Variants in SLC39A11 observed in about 807,000 individuals in gnomAD.
The protein encoded by SLC39A11 is zinc transporter ZIP11.
A neutral mutation model predicts 36.1 loss-of-function variants in SLC39A11; 33 were observed. The ratio of observed to expected loss-of-function variants is 0.91; its 90% CI spans 0.69 to 1.22. SLC39A11 has a LOEUF of 1.22. SLC39A11 is among the 50% of genes most tolerant of loss of function. The pLI, the probability that SLC39A11 is intolerant of heterozygous loss-of-function variation, is 0.00. For missense variants in SLC39A11, 432 were observed against 430.3 expected, an observed-to-expected ratio of 1.00 and a Z score of -0.03; for synonymous variants, 166 against 170.3, an observed-to-expected ratio of 0.97 and a Z score of 0.20.
chr17:72,736,717 C>G lies in SLC39A11; in HGVS notation c.604G>C (p.Gly202Arg). The change falls in exon 7 of 10, where the codon GGT (glycine) becomes CGT (arginine). Residue 202 changes from glycine to arginine, a missense_variant and splice_region_variant. Transcript: ENST00000255559. Reference protein sequence around the residue: ...LAITIHNVPEGLAVGVGFGAI... With the variant: ...LAITIHNVPERLAVGVGFGAI... ...CCAAATCCAACTCCAACAGCGAGACCCTCTGAAATAGATGTAAGAAAAGCA... is the reference window on the plus strand; with the variant it reads ...CCAAATCCAACTCCAACAGCGAGACGCTCTGAAATAGATGTAAGAAAAGCA... 6.2e-7 allele frequency: 1 copy of G among 1,613,700 alleles called. No homozygotes were observed. Among genetic ancestry groups the G allele is most frequent in the Non-Finnish European group, 8.5e-7 (1 of 1,179,670 alleles).
Position 72,665,389 on chromosome 17 carries a change from G to GTTTTTTTTTTTTT in SLC39A11, c.672-16134_672-16122dup, listed in dbSNP as rs780329919. Among the ~76,000 whole-genome samples, 193 of 76,606 alleles carry GTTTTTTTTTTTTT rather than the reference G, an allele frequency of 2.5e-3. 39 individuals are homozygous for GTTTTTTTTTTTTT. The highest frequency in any genetic ancestry group is 5.7e-3 in the African/African-American group (107 of 18,806). The allele number at this position is 76,606 out of a possible 152,430, so 50.3% of individuals were successfully genotyped here. ...GGTTTAAGCCACCAAGTTTTGAGGTGTTTTTTTTTTTTTTTTTTTTTGAGA... is the reference window on the plus strand; with the variant it reads ...GGTTTAAGCCACCAAGTTTTGAGGTGTTTTTTTTTTTTTTTTTTTTTTTTTTTTTTTTTTGAGA... On this transcript the variant is annotated intron_variant, in intron 7 of 9. Transcript: ENST00000255559.
intron 3 of SLC39A11, among the ~76,000 whole-genome samples, chr17:73,069,235 C>G (rs538364837): frequency 6.6e-6 from 1 of 152,346 alleles, no homozygotes; most frequent in East Asian, 1.9e-4. Flanking sequence ...CTCCCTGTCA[C>G]TGAGTTTCCA....
chr17:72,929,164 T>G (rs1011104239), intron 5 of SLC39A11, among the ~76,000 whole-genome samples: 12 of 152,112 alleles, frequency 7.9e-5, no homozygotes, highest in Non-Finnish European at 1.6e-4. Flanking sequence ...GGGTCCAGTG[T>G]CCTTGTGAGA....
intron 4 of SLC39A11, among the ~76,000 whole-genome samples, chr17:72,999,923 T>C (rs2089723603): frequency 6.6e-6 from 1 of 151,938 alleles, no homozygotes; most frequent in Non-Finnish European, 1.5e-5. Context: ...GTATTTTTAG[T>C]AGAGATGGGG....
chr17:72,896,915 T>A (rs1286869215), intron 5 of SLC39A11, among the ~76,000 whole-genome samples: 1 of 151,616 alleles, frequency 6.6e-6, no homozygotes, highest in East Asian at 1.9e-4. Context: ...TAGCTGGGCG[T>A]GGTGGCGGGC....
intron 7 of SLC39A11, among the ~76,000 whole-genome samples, chr17:72,698,862 G>A (rs534693975): frequency 1.3e-5 from 2 of 152,094 alleles, no homozygotes; most frequent in African/African-American, 2.4e-5. Flanking sequence ...AGGGAGTCTC[G>A]CTCTGTCGCC....
chr17:72,827,146 T>C (rs2078062851), intron 6 of SLC39A11, among the ~76,000 whole-genome samples: 1 of 152,210 alleles, frequency 6.6e-6, no homozygotes, highest in Admixed American at 6.5e-5. Context: ...TATAGACATA[T>C]AATGGAATAT....
chr17:72,903,952 A>T (rs1018909387), intron 5 of SLC39A11, among the ~76,000 whole-genome samples: 2 of 152,178 alleles, frequency 1.3e-5, no homozygotes, highest in African/African-American at 4.8e-5. Flanking sequence ...CCTCCTGCTA[A>T]AACTCTTAAT....
intron 6 of SLC39A11, among the ~76,000 whole-genome samples, chr17:72,777,507 C>T (rs1029718396): frequency 3.9e-5 from 6 of 152,016 alleles, no homozygotes; most frequent in African/African-American, 4.8e-5. Context: ...AAACGAAAAC[C>T]GAAACCCAGA....
chr17:73,051,955 A>T (rs2143935141), intron 3 of SLC39A11, among the ~76,000 whole-genome samples: 1 of 151,796 alleles, frequency 6.6e-6, no homozygotes, highest in South Asian at 2.1e-4. Flanking sequence ...CAGGCTTAGG[A>T]CACTGATTCA....
intron 4 of SLC39A11, among the ~76,000 whole-genome samples, chr17:72,990,311 A>G (rs1427231357): frequency 3.3e-5 from 5 of 152,246 alleles, no homozygotes; most frequent in African/African-American, 1.2e-4. Context: ...AGAAGAAAAT[A>G]AATGAATAAA....
chr17:72,661,535 C>T lies in SLC39A11; in HGVS notation c.672-12267G>A, dbSNP rs139804437. ...GCGTGTGTGTTCTTGTGTGGCAGGC[C>T]CTTACATACTGTTTTGATTGTTATC... On this transcript the variant is annotated intron_variant, in intron 7 of 9. Coordinates refer to ENST00000255559, the MANE Select transcript of SLC39A11 (RefSeq NM_139177.4). Among the ~76,000 whole-genome samples, 504 of 152,294 alleles carry T rather than the reference C, an allele frequency of 3.3e-3. 12 individuals carry two copies. Among genetic ancestry groups the T allele is most frequent in the Admixed American group, 0.025 (385 of 15,312 alleles).
intron 4 of SLC39A11, among the ~76,000 whole-genome samples, chr17:72,966,530 G>A (rs567528407): frequency 6.6e-6 from 1 of 152,050 alleles, no homozygotes; most frequent in Non-Finnish European, 1.5e-5. Context: ...AGCAGCAGGG[G>A]GTTGAGGAAA....
rs145774912 is a variant in SLC39A11 at position 73,058,826 on chromosome 17, T to C, written c.147+25982A>G. On this transcript the variant is annotated intron_variant, in intron 3 of 9. Coordinates refer to ENST00000255559, the MANE Select transcript of SLC39A11 (RefSeq NM_139177.4). Reference sequence around the variant, plus strand: ...AAAGAGAACTCAGGAGGCCTTGCCCTGTGTTTTGCCTTCAACTCAAAGTAA... The same window carrying C: ...AAAGAGAACTCAGGAGGCCTTGCCCCGTGTTTTGCCTTCAACTCAAAGTAA... Among the ~76,000 whole-genome samples the C allele has an allele frequency of 7.3e-3, 1,111 of 152,300 alleles. 13 individuals are homozygous for C. Among genetic ancestry groups the C allele is most frequent in the African/African-American group, 0.025 (1,019 of 41,564 alleles).
intron 4 of SLC39A11, among the ~76,000 whole-genome samples, chr17:72,967,304 G>A (rs1358990246): frequency 6.6e-6 from 1 of 151,434 alleles, no homozygotes. Flanking sequence ...ATGCTAGAGT[G>A]AGATATTATA....
intron 7 of SLC39A11, among the ~76,000 whole-genome samples, chr17:72,706,886 G>C (rs56106556): frequency 0.02 from 3,003 of 152,236 alleles, 104 homozygotes; most frequent in African/African-American, 0.068. Flanking sequence ...CAGGGCCCAG[G>C]CATCAGTATT....
At chr17:72,818,347 T>A (rs2077652857) in intron 6 of SLC39A11, among the ~76,000 whole-genome samples, 1 of 152,176 alleles carries the variant, frequency 6.6e-6, no homozygotes, top group Non-Finnish European at 1.5e-5. Flanking sequence ...ATCTTGTAGC[T>A]CCTTGGACAC....
intron 7 of SLC39A11, among the ~76,000 whole-genome samples, chr17:72,670,076 A>C (rs567228695): frequency 2.7e-5 from 4 of 150,830 alleles, no homozygotes; most frequent in Non-Finnish European, 5.9e-5. Context: ...ATATATACGT[A>C]TAGATGTATA....
intron 4 of SLC39A11, among the ~76,000 whole-genome samples, chr17:72,982,440 C>A (rs1295620883): frequency 6.6e-6 from 1 of 152,184 alleles, no homozygotes; most frequent in East Asian, 1.9e-4. Flanking sequence ...GAATCTCCCC[C>A]CAAAAGTAAT....
Sources: allele counts gnomAD v4.1 joint callset (sites outside exome capture counted in the v4.1 genomes callset), GRCh38; gene constraint gnomAD v4.1.1; transcripts MANE v1.5; gene names NCBI Gene and HGNC (gene_info 2026-07-23, HGNC 2026-07-21).